GK3: variants seen among roughly 807,000 people sequenced by gnomAD.
The protein encoded by GK3 is glycerol kinase 3 pseudogene.
chr4:165,278,375 A>G, the GK3 span: 5 of 1,333,706 alleles, frequency 3.7e-6, no homozygotes, highest in Non-Finnish European at 5.4e-6. Context: ...TCCTCCATCA[A>G]CCTGCAAATG....
At chr4:165,278,788 T>G in the GK3 span, 2 of 1,547,706 alleles carry the variant, frequency 1.3e-6, no homozygotes, top group Non-Finnish European at 1.8e-6. Context: ...CTGTATTACA[T>G]AGTAAGAAAC....
chr4:165,279,598 C>T, the GK3 span: 1 of 1,609,984 alleles, frequency 6.2e-7, no homozygotes, highest in Non-Finnish European at 8.5e-7. Flanking sequence ...TGCCTTGGTC[C>T]ACTGCCCCCA....
chr4:165,279,401 A>G, the GK3 span: 12 of 1,587,964 alleles, frequency 7.6e-6, no homozygotes, highest in Non-Finnish European at 9.5e-6. Context: ...TATGTTGGAA[A>G]TACCAATATT....
chr4:165,278,411 T>C, the GK3 span: 1 of 1,396,136 alleles, frequency 7.2e-7, no homozygotes, highest in Non-Finnish European at 1.0e-6. Flanking sequence ...ACAGTCTCGA[T>C]TCATGGCATC....
chr4:165,278,625 T>C, the GK3 span: 4 of 1,584,624 alleles, frequency 2.5e-6, no homozygotes, highest in Non-Finnish European at 3.5e-6. Flanking sequence ...TCTTCTGAGG[T>C]CTTTATAATT....
the GK3 span, chr4:165,278,048 C>G: frequency 6.5e-7 from 1 of 1,530,442 alleles, no homozygotes; most frequent in East Asian, 2.2e-5. Context: ...TATAAAAAAG[C>G]CCAAGGGCAG....
chr4:165,278,140 T>G, the GK3 span: 2 of 1,529,434 alleles, frequency 1.3e-6, no homozygotes, highest in East Asian at 4.5e-5. Context: ...CTTTCTTCCA[T>G]GTAGAATAAC....
chr4:165,278,435 G>C, the GK3 span: 1 of 1,493,524 alleles, frequency 6.7e-7, no homozygotes, highest in Non-Finnish European at 9.3e-7. Flanking sequence ...AATCTCTCGA[G>C]TTTGGAAACA....
At chr4:165,277,893 G>C in the GK3 span, 2 of 839,884 alleles carry the variant, frequency 2.4e-6, no homozygotes, top group Non-Finnish European at 2.1e-6. Context: ...CAAAGTCTAT[G>C]AATAGTGTCA....
chr4:165,278,356 G>T, the GK3 span: 2 of 1,225,278 alleles, frequency 1.6e-6, no homozygotes, highest in Admixed American at 1.7e-5. Context: ...GAATTTTGTT[G>T]CTGGTCATTC....
the GK3 span, chr4:165,278,978 A>G: frequency 1.3e-6 from 2 of 1,495,850 alleles, no homozygotes; most frequent in African/African-American, 1.4e-5. Context: ...TGGAATTCCA[A>G]AAAATTCACA....
the GK3 span, chr4:165,278,697 C>T: frequency 2.2e-5 from 35 of 1,603,902 alleles, no homozygotes; most frequent in Admixed American, 1.2e-4. Context: ...CCTTCCAAAG[C>T]GTAATATACC....
the GK3 span, chr4:165,278,993 T>A: frequency 6.7e-7 from 1 of 1,498,664 alleles, no homozygotes; most frequent in Non-Finnish European, 9.3e-7. Flanking sequence ...TTCACAGAGT[T>A]GTTTATCCCA....
At chr4:165,278,842 C>T in the GK3 span, 1 of 1,535,394 alleles carries the variant, frequency 6.5e-7, no homozygotes, top group African/African-American at 1.4e-5. Flanking sequence ...TCTGGAAGCA[C>T]ATTTGTCCCA....
chr4:165,278,663 A>G, the GK3 span: 3 of 1,600,080 alleles, frequency 1.9e-6, no homozygotes, highest in Non-Finnish European at 2.6e-6. Flanking sequence ...CCAGCGAATA[A>G]CAGCACCAGC....
the GK3 span, chr4:165,279,119 C>A: frequency 6.3e-7 from 1 of 1,599,782 alleles, no homozygotes; most frequent in East Asian, 2.2e-5. Context: ...ATCAATAGTC[C>A]CAAAAAGAGC....
the GK3 span, chr4:165,279,595 G>A: frequency 6.2e-7 from 1 of 1,608,924 alleles, no homozygotes; most frequent in South Asian, 1.1e-5. Context: ...TGGTGCCTTG[G>A]TCCACTGCCC....
the GK3 span, chr4:165,278,253 C>G: frequency 1.4e-5 from 15 of 1,102,460 alleles, no homozygotes; most frequent in Non-Finnish European, 2.0e-5. Context: ...CCTTCTGCAG[C>G]CCCTGCCGCC....
chr4:165,279,626 G>T, the GK3 span: 3 of 1,611,402 alleles, frequency 1.9e-6, no homozygotes, highest in Non-Finnish European at 2.5e-6. Flanking sequence ...CCCCAAAACT[G>T]CCTTCTTTGA....
Sources: allele counts gnomAD v4.1 joint callset, GRCh38; gene constraint gnomAD v4.1.1; transcripts MANE v1.5; gene names NCBI Gene and HGNC (gene_info 2026-07-23, HGNC 2026-07-21).